Variants in RASA3 observed in about 807,000 individuals in gnomAD.
RASA3 encodes the protein RAS p21 protein activator 3.
Under a neutral mutation model 110.0 loss-of-function variants are expected in RASA3, and 73 were observed. The ratio of observed to expected loss-of-function variants is 0.66; its 90% CI spans 0.55 to 0.81. The LOEUF (loss-of-function observed/expected upper bound fraction) is 0.81. Ranked by LOEUF, RASA3 falls within the 30% of genes least tolerant of loss-of-function variation. The probability of loss-of-function intolerance (pLI) is 0.00; values close to 1 mark genes in which losing one functional copy is unlikely to be tolerated. For missense variants in RASA3, 976 were observed against 1,113.2 expected (o/e 0.88, Z 1.75); for synonymous variants, 500 against 451.4 (o/e 1.11, Z -1.37).
chr13:114,093,936 T>A (rs1018673468), intron 1 of RASA3, among the ~76,000 whole-genome samples: 15 of 152,154 alleles, frequency 9.9e-5, no homozygotes, highest in Non-Finnish European at 1.0e-4. Context: ...CTTTCTCTGA[T>A]AAATTTGTAA....
At chr13:114,107,947 G>T (rs9525263) in intron 1 of RASA3, among the ~76,000 whole-genome samples, 4,653 of 152,058 alleles carry the variant, frequency 0.031, 126 homozygotes, top group Non-Finnish European at 0.045. Context: ...GCCTCAGAGG[G>T]TAAGCCTCTC....
chr13:114,120,542 CT>C (rs1355626144), intron 1 of RASA3, among the ~76,000 whole-genome samples: 4,671 of 106,792 alleles, frequency 0.044, 729 homozygotes, highest in Non-Finnish European at 0.061. Context: ...GGGCCCCTCC[CT>C]CTCTCCAGCC....
At chr13:114,068,916 A>G (rs114896062) in intron 2 of RASA3, among the ~76,000 whole-genome samples, 1,750 of 152,320 alleles carry the variant, frequency 0.011, 26 homozygotes, top group African/African-American at 0.041. Context: ...TAAACCTGTG[A>G]CAGACACTGC....
intron 18 of RASA3, among the ~76,000 whole-genome samples, chr13:114,003,722 A>G (rs1430064334): frequency 6.6e-6 from 1 of 152,224 alleles, no homozygotes; most frequent in African/African-American, 2.4e-5. Flanking sequence ...CCCAGCTCAC[A>G]GCCTATGCCC....
At chr13:114,063,451 ATATT>A (rs2079396202) in intron 2 of RASA3, among the ~76,000 whole-genome samples, 1 of 151,588 alleles carries the variant, frequency 6.6e-6, no homozygotes, top group African/African-American at 2.4e-5. Flanking sequence ...ATAATAGTAA[ATATT>A]TATGTTATAA....
intron 7 of RASA3, 89 bp from the exon 8 acceptor site, chr13:114,024,444 C>G: frequency 8.6e-7 from 1 of 1,156,998 alleles, no homozygotes; most frequent in Non-Finnish European, 1.3e-6. Context: ...GCCCTACCCT[C>G]TGCGCTTACC....
intron 1 of RASA3, among the ~76,000 whole-genome samples, chr13:114,117,380 G>A (rs1200416953): frequency 1.4e-5 from 2 of 142,960 alleles, no homozygotes; most frequent in Admixed American, 6.8e-5. Flanking sequence ...TGTGTGAGGG[G>A]AGCACGTGTG....
chr13:114,100,180 C>A (rs1241224027), intron 1 of RASA3, among the ~76,000 whole-genome samples: 1 of 151,608 alleles, frequency 6.6e-6, no homozygotes, highest in Non-Finnish European at 1.5e-5. Flanking sequence ...GAGGAGCTCG[C>A]AGGAGACGCA....
In RASA3 at chr13:113,996,671, G is replaced by C; in HGVS notation, c.2001C>G (p.Asp667Glu). Residue 667 changes from aspartate to glutamate, a missense_variant, in exon 21 of 24, where the codon GAC becomes GAG. Asp to Glu is a conservative substitution (Grantham distance 45, BLOSUM62 2). Around this residue, in one of 4 missense-constraint regions of RASA3, gnomAD observed 109 missense variants for 162.5 expected, o/e 0.67. Transcript: ENST00000334062. ...TCACTTTGGTGAGAATGTCGATCCA[G>C]TCCTTGGCCTCCACGCAGTTGTTGG... ...IQANNCVEAK[D>E]WIDILTKVSQ... 1 of 1,613,856 alleles carries C rather than the reference G, an allele frequency of 6.2e-7. No individual in the cohort carries two copies. The highest frequency in any genetic ancestry group is 8.5e-7 in the Non-Finnish European group (1 of 1,180,030).
chr13:114,061,854 C>T (rs1052407878), intron 2 of RASA3, among the ~76,000 whole-genome samples: 1 of 152,162 alleles, frequency 6.6e-6, no homozygotes, highest in Non-Finnish European at 1.5e-5. Flanking sequence ...TCAGCCGTCA[C>T]CTGTGCTTGC....
intron 3 of RASA3, among the ~76,000 whole-genome samples, chr13:114,045,166 A>C (rs1251096051): frequency 6.6e-6 from 1 of 152,212 alleles, no homozygotes; most frequent in Non-Finnish European, 1.5e-5. Flanking sequence ...GTATCTCCAG[A>C]TGCTGACCTG....
chr13:114,075,843 G>A (rs1197513368), intron 1 of RASA3, among the ~76,000 whole-genome samples: 1 of 68,312 alleles, frequency 1.5e-5, no homozygotes, highest in Non-Finnish European at 2.6e-5. Context: ...TCGGCGCCGC[G>A]TATCTCTACG....
In RASA3 at chr13:114,000,944, G is replaced by A; in HGVS notation, c.1743-12C>T. Reference sequence around the variant, plus strand: ...TCTTGATCATGAACCTGTGTGAAGAGCACACAGGGCCGGGGTCCGGGCCTC... The same window carrying A: ...TCTTGATCATGAACCTGTGTGAAGAACACACAGGGCCGGGGTCCGGGCCTC... On this transcript the variant is annotated splice_polypyrimidine_tract_variant and intron_variant, in intron 18 of 23. Coordinates refer to ENST00000334062, the MANE Select transcript of RASA3 (RefSeq NM_007368.4). 1.3e-6 allele frequency: 2 copies of A among 1,577,734 alleles called. No homozygotes were observed. Among genetic ancestry groups the A allele is most frequent in the South Asian group, 1.1e-5 (1 of 90,354 alleles).
rs12875367 is a variant in RASA3, at chr13:114,040,618, G to A, written c.372+382C>T. On this transcript the variant is annotated intron_variant, in intron 4 of 23. Coordinates refer to ENST00000334062, the MANE Select transcript of RASA3 (RefSeq NM_007368.4). ...GCCCGCGCTCACTCCGAGCACAAGCGGGCGAACACGCACAACCCAAAATCC... is the reference window on the plus strand; with the variant it reads ...GCCCGCGCTCACTCCGAGCACAAGCAGGCGAACACGCACAACCCAAAATCC... Among the ~76,000 whole-genome samples the A allele has an allele frequency of 4.2e-3, 480 of 114,336 alleles. 12 individuals are homozygous for A. Among genetic ancestry groups the A allele is most frequent in the South Asian group, 0.038 (125 of 3,306 alleles). 75.0% of individuals were successfully genotyped at this position (114,336 alleles called of 152,430 possible).
At chr13:114,035,212 AAATT>A (rs2054257073) in intron 4 of RASA3, among the ~76,000 whole-genome samples, 1 of 152,256 alleles carries the variant, frequency 6.6e-6, no homozygotes, top group Non-Finnish European at 1.5e-5. Context: ...GAGATCAATA[AAATT>A]AATAAACCTC....
chr13:114,131,878 AAC>A lies in RASA3; in HGVS notation c.55+555_55+556del, dbSNP rs528987157. Reference sequence around the variant, plus strand: ...GGACACACAAACACAAGCACACACAAACACGCGCGCACGCAGGCACAGACGCG... The same window carrying A: ...GGACACACAAACACAAGCACACACAAACGCGCGCACGCAGGCACAGACGCG... On this transcript the variant is annotated intron_variant, in intron 1 of 23. Transcript: ENST00000334062. 1.1e-3 allele frequency among the ~76,000 whole-genome samples: 164 copies of A among 151,210 alleles called. 1 individual carries two copies. Among genetic ancestry groups the A allele is most frequent in the African/African-American group, 3.6e-3 (150 of 41,250 alleles).
At chr13:114,126,659 CTT>C (rs2080454623) in intron 1 of RASA3, among the ~76,000 whole-genome samples, 1 of 152,204 alleles carries the variant, frequency 6.6e-6, no homozygotes, top group Non-Finnish European at 1.5e-5. Context: ...TATATATTTG[CTT>C]ACATAGAAGT....
chr13:114,117,645 G>C (rs2080306311), intron 1 of RASA3, among the ~76,000 whole-genome samples: 1 of 132,724 alleles, frequency 7.5e-6, no homozygotes, highest in South Asian at 2.5e-4. Flanking sequence ...GTGCATGTGT[G>C]TGAGGGGTGC....
At chr13:113,994,806 A>C (rs2053195611) in intron 21 of RASA3, among the ~76,000 whole-genome samples, 1 of 152,208 alleles carries the variant, frequency 6.6e-6, no homozygotes, top group Admixed American at 6.5e-5. Context: ...CCCCGTTTCT[A>C]CAAAAAACCT....
Sources: gnomAD v4.1 joint callset for allele counts (sites outside exome capture counted in the v4.1 genomes callset) on GRCh38, gnomAD v4.1.1 for gene constraint, gnomAD v4.1.1 regional missense constraint, MANE v1.5 for transcripts, NCBI Gene and HGNC (gene_info 2026-07-23, HGNC 2026-07-21) for gene names.